TMEM132D: variants seen among roughly 807,000 people sequenced by gnomAD.
TMEM132D encodes the protein mature OL transmembrane protein.
A neutral mutation model predicts 62.3 loss-of-function variants in TMEM132D; 21 were observed. The observed-to-expected ratio is 0.34, with a 90% CI of 0.24 to 0.49. TMEM132D has a LOEUF of 0.49. TMEM132D is among the 20% of genes least tolerant of loss of function. The probability of loss-of-function intolerance (pLI) is 0.99; values close to 1 mark genes in which losing one functional copy is unlikely to be tolerated. For synonymous variants in TMEM132D, 621 were observed against 575.6 expected (o/e 1.08, Z -1.13); for missense variants, 1,346 against 1,402.8 (o/e 0.96, Z 0.65).
chr12:129,810,397 T>C (rs979482448), intron 1 of TMEM132D, among the ~76,000 whole-genome samples: 1 of 152,232 alleles, frequency 6.6e-6, no homozygotes, highest in African/African-American at 2.4e-5. Flanking sequence ...TTAACATTTA[T>C]TCATTTTGGA....
chr12:129,284,181 C>T (rs991490914), intron 4 of TMEM132D, among the ~76,000 whole-genome samples: 5 of 152,196 alleles, frequency 3.3e-5, no homozygotes, highest in African/African-American at 1.2e-4. Flanking sequence ...CCATCTACAT[C>T]ATCTGAAACA....
chr12:129,380,263 G>A (rs887339570), intron 3 of TMEM132D, among the ~76,000 whole-genome samples: 5 of 152,002 alleles, frequency 3.3e-5, no homozygotes, highest in African/African-American at 9.7e-5. Context: ...TCACTTAGCA[G>A]GCAAACGTCT....
At chr12:129,791,180 C>T (rs1474377536) in intron 1 of TMEM132D, among the ~76,000 whole-genome samples, 1 of 152,110 alleles carries the variant, frequency 6.6e-6, no homozygotes, top group Non-Finnish European at 1.5e-5. Context: ...TGGTCAGAGG[C>T]AGGGCAGACA....
chr12:129,125,499 A>ATTTTTTTTTTT lies in TMEM132D; in HGVS notation c.1444-40798_1444-40797insAAAAAAAAAAA, dbSNP rs1565972138. Among the ~76,000 whole-genome samples, 5 of 127,834 alleles carry ATTTTTTTTTTT rather than the reference A, an allele frequency of 3.9e-5. 2 individuals carry two copies. The highest frequency in any genetic ancestry group is 3.2e-5 in the Non-Finnish European group (2 of 61,894). 83.9% of individuals were successfully genotyped at this position (127,834 alleles called of 152,430 possible). ...GATGTGACGATGTCGAATTACTATG[A>ATTTTTTTTTTT]GTTTTTTTTTTTTTTTTTTTTTTGA... On this transcript the variant is annotated intron_variant, in intron 5 of 8. Coordinates refer to ENST00000422113, the MANE Select transcript of TMEM132D (RefSeq NM_133448.3).
intron 3 of TMEM132D, among the ~76,000 whole-genome samples, chr12:129,474,785 C>G (rs1009195879): frequency 6.6e-6 from 1 of 152,160 alleles, no homozygotes; most frequent in Non-Finnish European, 1.5e-5. Flanking sequence ...CAATTCTGGT[C>G]TCTGATCATG....
intron 2 of TMEM132D, among the ~76,000 whole-genome samples, chr12:129,616,030 T>C (rs930507325): frequency 1.1e-4 from 16 of 152,056 alleles, no homozygotes; most frequent in Non-Finnish European, 1.8e-4. Flanking sequence ...AAGTCAACCA[T>C]TACAAAACAG....
chr12:129,452,504 T>C (rs1593015086), intron 3 of TMEM132D, among the ~76,000 whole-genome samples: 1 of 152,324 alleles, frequency 6.6e-6, no homozygotes, highest in African/African-American at 2.4e-5. Context: ...TCAGTGATAC[T>C]CTGGGAGCCA....
At chr12:129,693,897 C>A (rs1881127388) in intron 2 of TMEM132D, among the ~76,000 whole-genome samples, 1 of 152,176 alleles carries the variant, frequency 6.6e-6, no homozygotes, top group African/African-American at 2.4e-5. Flanking sequence ...GGACCTCCCC[C>A]AGACATGCTT....
chr12:129,843,915 C>T lies in TMEM132D; in HGVS notation c.79+59346G>A, dbSNP rs1184413283. 2.6e-5 allele frequency among the ~76,000 whole-genome samples: 4 copies of T among 151,242 alleles called. No homozygotes were observed. In the East Asian group the frequency reaches 5.9e-4, roughly 22 times the overall value. On this transcript the variant is annotated intron_variant, in intron 1 of 8. Transcript: ENST00000422113. ...GCCAGCCTGGGCAATATAGTAAGACCCTGTGTCTACAAAAATTAAAAAAAA... is the reference window on the plus strand; with the variant it reads ...GCCAGCCTGGGCAATATAGTAAGACTCTGTGTCTACAAAAATTAAAAAAAA...
At chr12:129,368,767 CAA>C (rs112029120) in intron 3 of TMEM132D, among the ~76,000 whole-genome samples, 4 of 133,160 alleles carry the variant, frequency 3.0e-5, no homozygotes, top group Non-Finnish European at 1.6e-5. Context: ...ACCTTTCCAC[CAA>C]AAAAAAAAAA....
intron 3 of TMEM132D, among the ~76,000 whole-genome samples, chr12:129,422,957 A>G (rs2135712000): frequency 7.2e-6 from 1 of 138,208 alleles, no homozygotes; most frequent in Non-Finnish European, 1.6e-5. Context: ...ACTAGAATCA[A>G]CGAAGGAAAG....
At chr12:129,411,437 T>C (rs1030794189) in intron 3 of TMEM132D, among the ~76,000 whole-genome samples, 5 of 152,162 alleles carry the variant, frequency 3.3e-5, no homozygotes, top group Non-Finnish European at 5.9e-5. Context: ...GGTGTGATCT[T>C]GACTCACTGC....
intron 2 of TMEM132D, among the ~76,000 whole-genome samples, chr12:129,610,548 G>A (rs61077438): frequency 0.019 from 2,950 of 152,104 alleles, 99 homozygotes; most frequent in African/African-American, 0.067. Context: ...CTAGAAGTCT[G>A]GCTCATTCTC....
At chr12:129,707,965 C>T (rs1881545660) in intron 1 of TMEM132D, among the ~76,000 whole-genome samples, 1 of 152,102 alleles carries the variant, frequency 6.6e-6, no homozygotes, top group African/African-American at 2.4e-5. Context: ...ACCCGTAATC[C>T]CAGCACTTTG....
chr12:129,454,588 A>G (rs1873400896), intron 3 of TMEM132D, among the ~76,000 whole-genome samples: 1 of 152,242 alleles, frequency 6.6e-6, no homozygotes, highest in Non-Finnish European at 1.5e-5. Flanking sequence ...CAACATGCAA[A>G]ACCAAATGGC....
intron 4 of TMEM132D, among the ~76,000 whole-genome samples, chr12:129,275,408 C>A (rs1880976708): frequency 6.6e-6 from 1 of 152,160 alleles, no homozygotes; most frequent in South Asian, 2.1e-4. Context: ...ACTTGAATAA[C>A]TAAAATTTGG....
At chr12:129,198,742 T>C (rs1037039935) in intron 5 of TMEM132D, among the ~76,000 whole-genome samples, 6 of 152,192 alleles carry the variant, frequency 3.9e-5, no homozygotes, top group Admixed American at 6.5e-5. Context: ...TAGTTAACAA[T>C]AGTATATTGT....
At chr12:129,261,407 C>A (rs1457574146) in intron 4 of TMEM132D, among the ~76,000 whole-genome samples, 1 of 152,166 alleles carries the variant, frequency 6.6e-6, no homozygotes, top group Non-Finnish European at 1.5e-5. Context: ...TTTCCCTGCA[C>A]ATGCTCTCTT....
intron 1 of TMEM132D, among the ~76,000 whole-genome samples, chr12:129,714,645 T>TC (rs1868499528): frequency 6.6e-6 from 1 of 152,230 alleles, no homozygotes; most frequent in Non-Finnish European, 1.5e-5. Context: ...TGGTAATATT[T>TC]CACAGTGTAT....
Sources: gnomAD v4.1 joint callset for allele counts (sites outside exome capture counted in the v4.1 genomes callset) on GRCh38, gnomAD v4.1.1 for gene constraint, MANE v1.5 for transcripts, NCBI Gene and HGNC (gene_info 2026-07-23, HGNC 2026-07-21) for gene names.